The following CREB5 variants were observed in gnomAD, a reference collection of about 807,000 sequenced individuals.
The protein encoded by CREB5 is cyclic AMP-responsive element-binding protein 5.
CREB5 carries 19 observed loss-of-function variants against 57.1 expected under a neutral mutation model. That is an observed-to-expected ratio of 0.33 (90% CI 0.23 to 0.49). The LOEUF (loss-of-function observed/expected upper bound fraction) is 0.49, where lower values mean the gene tolerates loss of function less well. Among genes scored for constraint, CREB5 ranks in the 20% least tolerant of loss-of-function variants. CREB5 has a pLI of 0.99. For missense variants in CREB5, 579 were observed against 671.6 expected (o/e 0.86, Z 1.52); for synonymous variants, 238 against 238.3 (o/e 1.00, Z 0.01).
intron 3 of CREB5, among the ~76,000 whole-genome samples, chr7:28,505,341 G>C (rs541266631): frequency 6.6e-6 from 1 of 152,262 alleles, no homozygotes; most frequent in South Asian, 2.1e-4. Context: ...TGACCTGTTA[G>C]TATCAAACTT....
At chr7:28,515,584 C>A (rs1008798254) in intron 4 of CREB5, among the ~76,000 whole-genome samples, 1 of 152,134 alleles carries the variant, frequency 6.6e-6, no homozygotes, top group African/African-American at 2.4e-5. Flanking sequence ...ATGCCCGACT[C>A]CCCTGGTTCT....
intron 1 of CREB5, among the ~76,000 whole-genome samples, chr7:28,341,995 C>G (rs1785946253): frequency 6.6e-6 from 1 of 152,152 alleles, no homozygotes; most frequent in South Asian, 2.1e-4. Context: ...AAATCAGGAG[C>G]TCTTCTTAGT....
At chr7:28,342,459 A>C (rs745832729) in intron 1 of CREB5, among the ~76,000 whole-genome samples, 2 of 152,242 alleles carry the variant, frequency 1.3e-5, no homozygotes, top group Admixed American at 6.5e-5. Flanking sequence ...ACTCAAGAAA[A>C]AAGGAGATTT....
chr7:28,503,842 G>A (rs368398345), intron 3 of CREB5, among the ~76,000 whole-genome samples: 4 of 152,228 alleles, frequency 2.6e-5, no homozygotes, highest in South Asian at 4.2e-4. Flanking sequence ...TGAAAGCTCC[G>A]GGGCCAGGGG....
chr7:28,312,815 A>G (rs1226516126), intron 1 of CREB5, among the ~76,000 whole-genome samples: 1 of 152,214 alleles, frequency 6.6e-6, no homozygotes, highest in Non-Finnish European at 1.5e-5. Flanking sequence ...GCAGTAATGT[A>G]TTCCAGTTCT....
At chr7:28,641,906 T>G (rs538083291) in intron 5 of CREB5, among the ~76,000 whole-genome samples, 1 of 152,200 alleles carries the variant, frequency 6.6e-6, no homozygotes, top group Non-Finnish European at 1.5e-5. Flanking sequence ...ATCTGTCTTT[T>G]GGGTCAAAAG....
At chr7:28,422,881 A>T (rs1224772471) in intron 1 of CREB5, among the ~76,000 whole-genome samples, 1 of 152,146 alleles carries the variant, frequency 6.6e-6, no homozygotes, top group Non-Finnish European at 1.5e-5. Flanking sequence ...AACACCTTAC[A>T]TTGTTTAGGA....
intron 1 of CREB5, among the ~76,000 whole-genome samples, chr7:28,433,493 C>G (rs988771950): frequency 6.6e-6 from 1 of 152,074 alleles, no homozygotes; most frequent in Non-Finnish European, 1.5e-5. Context: ...TTTTGCCTAT[C>G]AAAATTTACA....
intron 4 of CREB5, among the ~76,000 whole-genome samples, chr7:28,552,025 T>C (rs771620402): frequency 2.0e-5 from 3 of 149,528 alleles, no homozygotes; most frequent in African/African-American, 7.4e-5. Flanking sequence ...CTCTCTCTCT[T>C]TCTCTCTTTT....
intron 5 of CREB5, among the ~76,000 whole-genome samples, chr7:28,597,728 A>AT (rs1796740238): frequency 6.6e-6 from 1 of 152,106 alleles, no homozygotes; most frequent in Non-Finnish European, 1.5e-5. Flanking sequence ...TGGGCCCCTG[A>AT]TGAGCCACAG....
chr7:28,446,128 C>A (rs1253825884), intron 1 of CREB5, among the ~76,000 whole-genome samples: 1 of 152,178 alleles, frequency 6.6e-6, no homozygotes, highest in Non-Finnish European at 1.5e-5. Flanking sequence ...ATCGTCCCCT[C>A]CCACTTTATT....
At chr7:28,643,059 C>T (rs957991984) in intron 5 of CREB5, among the ~76,000 whole-genome samples, 1 of 148,074 alleles carries the variant, frequency 6.8e-6, no homozygotes, top group Non-Finnish European at 1.5e-5. Context: ...CCCCAAACTT[C>T]TAAAGACCCT....
intron 1 of CREB5, among the ~76,000 whole-genome samples, chr7:28,376,325 G>C (rs1462197437): frequency 6.8e-6 from 1 of 146,940 alleles, no homozygotes; most frequent in African/African-American, 2.5e-5. Context: ...AGGCAGTGCA[G>C]TGGTGCGATC....
At chr7:28,725,645 T>TTAAA (rs1554291839) in intron 7 of CREB5, among the ~76,000 whole-genome samples, 1 of 112,402 alleles carries the variant, frequency 8.9e-6, no homozygotes, top group Non-Finnish European at 2.1e-5. Context: ...TATCTTTTTT[T>TTAAA]AAAAAAAAAA....
At chr7:28,561,219 C>T (rs1562798865) in intron 4 of CREB5, among the ~76,000 whole-genome samples, 2 of 152,128 alleles carry the variant, frequency 1.3e-5, no homozygotes, top group South Asian at 2.1e-4. Flanking sequence ...ATGTGGTGGG[C>T]ATTGTATTAG....
At chr7:28,549,952 A>G (rs577835932) in intron 4 of CREB5, among the ~76,000 whole-genome samples, 3 of 152,290 alleles carry the variant, frequency 2.0e-5, no homozygotes, top group Admixed American at 1.3e-4. Flanking sequence ...CCTGTTTTCT[A>G]GCCTCTTCAG....
intron 1 of CREB5, among the ~76,000 whole-genome samples, chr7:28,331,124 A>G (rs1785708676): frequency 6.6e-6 from 1 of 152,130 alleles, no homozygotes; most frequent in Admixed American, 6.5e-5. Context: ...AGCACTACCC[A>G]TTAATGACCA....
intron 5 of CREB5, among the ~76,000 whole-genome samples, chr7:28,713,717 G>C (rs547545428): frequency 6.6e-6 from 1 of 152,248 alleles, no homozygotes; most frequent in African/African-American, 2.4e-5. Flanking sequence ...CCGAATTTTA[G>C]AGCTTCAAGA....
intron 1 of CREB5, among the ~76,000 whole-genome samples, chr7:28,387,646 A>T (rs1787138925): frequency 5.3e-5 from 8 of 151,854 alleles, no homozygotes; most frequent in Admixed American, 5.3e-4. Flanking sequence ...GTGGAGGGGG[A>T]GGAGGGAGAG....
Sources: gnomAD v4.1 joint callset for allele counts (sites outside exome capture counted in the v4.1 genomes callset) on GRCh38, gnomAD v4.1.1 for gene constraint, MANE v1.5 for transcripts, NCBI Gene and HGNC (gene_info 2026-07-23, HGNC 2026-07-21) for gene names.